The following CDH2 variants were observed in gnomAD, a reference collection of about 807,000 sequenced individuals.
The protein encoded by CDH2 is cadherin 2.
A neutral mutation model predicts 92.0 loss-of-function variants in CDH2; 17 were observed. The observed-to-expected ratio is 0.18, with a 90% CI of 0.13 to 0.28. CDH2 has a LOEUF of 0.28. Ranked by LOEUF, CDH2 falls within the 10% of genes least tolerant of loss-of-function variation. CDH2 has a pLI of 1.00. For synonymous variants in CDH2, 419 were observed against 415.9 expected (o/e 1.01, Z -0.09); for missense variants, 862 against 1,133.1 (o/e 0.76, Z 3.44).
intron 2 of CDH2, among the ~76,000 whole-genome samples, chr18:28,071,402 G>C (rs950598743): frequency 6.6e-6 from 1 of 152,034 alleles, no homozygotes; most frequent in African/African-American, 2.4e-5. Context: ...AGTCAAGCAG[G>C]AAAAGGGTAA....
chr18:27,935,335 G>A (rs1191405791), intron 6 of CDH2, among the ~76,000 whole-genome samples: 1 of 152,122 alleles, frequency 6.6e-6, no homozygotes, highest in Non-Finnish European at 1.5e-5. Flanking sequence ...TGGCTGGAAG[G>A]AGAGACAGAG....
At chr18:28,012,113 C>G (rs934082094) in intron 3 of CDH2, 121 bp from the exon 4 acceptor site, 3 of 799,808 alleles carry the variant, frequency 3.8e-6, no homozygotes, top group Non-Finnish European at 5.6e-6. Flanking sequence ...AAAAATAAGT[C>G]TGGAGGCCCT....
chr18:28,080,204 A>AATAAAGAGG (rs1366371260), intron 2 of CDH2, among the ~76,000 whole-genome samples: 1 of 152,204 alleles, frequency 6.6e-6, no homozygotes, highest in Non-Finnish European at 1.5e-5. Context: ...GAGAATTAGC[A>AATAAAGAGG]ATAAAGAGGA....
In CDH2 at chr18:27,993,437, T is replaced by C. The variant is rs11564295; in HGVS notation, c.1158+63A>G. The C allele has an allele frequency of 0.23, 355,519 of 1,530,762 alleles. 44,477 individuals carry two copies. Among genetic ancestry groups the C allele is most frequent in the Non-Finnish European group, 0.26 (287,857 of 1,123,418 alleles). The allele number at this position is 1,530,762 out of a possible 1,614,324, so 94.8% of individuals were successfully genotyped here. On this transcript the variant is annotated intron_variant, in intron 8 of 15. Transcript: ENST00000269141. ...CTCTATTTAACACATTTATTATTCATGACCAACCTTCTCAGTAACGAACTA... is the reference window on the plus strand; with the variant it reads ...CTCTATTTAACACATTTATTATTCACGACCAACCTTCTCAGTAACGAACTA...
chr18:28,035,958 T>A (rs539191733), intron 2 of CDH2, among the ~76,000 whole-genome samples: 2 of 152,208 alleles, frequency 1.3e-5, no homozygotes, highest in Admixed American at 1.3e-4. Flanking sequence ...ATTAGGGAAA[T>A]TAGGTTAAGA....
chr18:28,144,559 A>C (rs1488950864), intron 2 of CDH2, among the ~76,000 whole-genome samples: 5 of 151,968 alleles, frequency 3.3e-5, no homozygotes, highest in South Asian at 2.1e-4. Flanking sequence ...AAATTCCCCC[A>C]AAAAAATCCC....
rs1160129770 is a variant in CDH2 at position 28,086,311 on chromosome 18, T to C, written c.172+61362A>G. ...TTCCAACATTAGAACTCTATAGTTA[T>C]TCAGTTATTGTTATGCTTAAACATT... On this transcript the variant is annotated intron_variant, in intron 2 of 15. Transcript: ENST00000269141. 2.6e-5 allele frequency among the ~76,000 whole-genome samples: 4 copies of C among 152,310 alleles called. No homozygotes were observed. In the South Asian group the frequency reaches 6.2e-4, roughly 24 times the overall value.
chr18:28,086,662 C>T (rs900871370), intron 2 of CDH2, among the ~76,000 whole-genome samples: 3 of 151,878 alleles, frequency 2.0e-5, no homozygotes, highest in Non-Finnish European at 4.4e-5. Context: ...TGCTCACACA[C>T]AAGACACACT....
intron 2 of CDH2, among the ~76,000 whole-genome samples, chr18:28,145,711 G>T (rs1239822751): frequency 1.3e-5 from 2 of 151,578 alleles, no homozygotes; most frequent in Non-Finnish European, 1.5e-5. Context: ...CCAAAAAGTT[G>T]TTTTTTTCTA....
At chr18:27,944,234 A>C (rs1460650681) in intron 6 of CDH2, among the ~76,000 whole-genome samples, 1 of 152,200 alleles carries the variant, frequency 6.6e-6, no homozygotes, top group Non-Finnish European at 1.5e-5. Context: ...GAAACTAGAA[A>C]AATAAGCTGT....
intron 7 of CDH2, among the ~76,000 whole-genome samples, chr18:28,001,495 T>C (rs911599503): frequency 1.1e-4 from 17 of 152,310 alleles, no homozygotes; most frequent in African/African-American, 4.1e-4. Flanking sequence ...TACTGAAAAT[T>C]ACCCCATATT....
intron 14 of CDH2, among the ~76,000 whole-genome samples, chr18:27,965,990 GAAAAAAAAAAAA>G (rs373927434): frequency 3.4e-5 from 2 of 58,658 alleles, no homozygotes; most frequent in South Asian, 7.4e-4. Flanking sequence ...TGTCTAAAAG[GAAAAAAAAAAAA>G]AAAAAAAAAA....
At chr18:28,109,227 A>C (rs2015371399) in intron 2 of CDH2, among the ~76,000 whole-genome samples, 1 of 152,222 alleles carries the variant, frequency 6.6e-6, no homozygotes, top group Non-Finnish European at 1.5e-5. Flanking sequence ...GCTGCAAAAT[A>C]AATGTATTTT....
At chr18:28,000,913 G>T (rs1291619503) in intron 7 of CDH2, among the ~76,000 whole-genome samples, 4 of 152,062 alleles carry the variant, frequency 2.6e-5, no homozygotes, top group Non-Finnish European at 5.9e-5. Context: ...AGAATTTCAA[G>T]TCTGCACGAG....
At chr18:28,118,134 T>A (rs1328032557) in intron 2 of CDH2, among the ~76,000 whole-genome samples, 1 of 151,982 alleles carries the variant, frequency 6.6e-6, no homozygotes, top group Non-Finnish European at 1.5e-5. Context: ...CCAATGATGT[T>A]CTATCCATAC....
At chr18:27,959,233 A>G (rs2011335363) in intron 15 of CDH2, among the ~76,000 whole-genome samples, 2 of 152,236 alleles carry the variant, frequency 1.3e-5, no homozygotes, top group South Asian at 4.1e-4. Flanking sequence ...TTGAAATTCA[A>G]AAACATGTGA....
chr18:28,100,032 A>G (rs568668052), intron 2 of CDH2, among the ~76,000 whole-genome samples: 4 of 152,128 alleles, frequency 2.6e-5, no homozygotes, highest in African/African-American at 9.6e-5. Flanking sequence ...CATCCATCCA[A>G]TATTTACTGA....
intron 2 of CDH2, among the ~76,000 whole-genome samples, chr18:28,122,939 T>G (rs2015616232): frequency 6.6e-6 from 1 of 152,114 alleles, no homozygotes; most frequent in African/African-American, 2.4e-5. Context: ...GATAGATGTT[T>G]CTAGTAAAAA....
In CDH2 at chr18:28,009,771, C is replaced by G. The variant is rs140757128; in HGVS notation, c.648G>C (p.Ser216=). The change falls in exon 5 of 16, where the codon TCG becomes TCC. Residue 216 remains serine (S), a synonymous_variant. Transcript: ENST00000269141. ...GGGGCTTTGTCACCGACAGCTGACC[C>G]GAGATGGGGTTGATAATGAAGATAC... ...PTGIFIINPI[S]GQLSVTKPLD... 2.5e-6 allele frequency: 4 copies of G among 1,613,954 alleles called. No individual in the cohort carries two copies. The highest frequency in any genetic ancestry group is 2.7e-5 in the African/African-American group (2 of 74,992).
Sources: gnomAD v4.1 joint callset for allele counts (sites outside exome capture counted in the v4.1 genomes callset) on GRCh38, gnomAD v4.1.1 for gene constraint, MANE v1.5 for transcripts, NCBI Gene and HGNC (gene_info 2026-07-23, HGNC 2026-07-21) for gene names.